EPO: variants seen among roughly 807,000 people sequenced by gnomAD.
EPO encodes the protein erythropoietin, also known as epoetin.
EPO carries 12 observed loss-of-function variants against 24.4 expected under a neutral mutation model. The observed-to-expected ratio is 0.49, with a 90% CI of 0.32 to 0.80. The LOEUF (loss-of-function observed/expected upper bound fraction) is 0.80, where lower values mean the gene tolerates loss of function less well. Ranked by LOEUF, EPO falls within the 30% of genes least tolerant of loss-of-function variation. The pLI is 0.04. For missense variants in EPO, 210 were observed against 238.0 expected (o/e 0.88, Z 0.77); for synonymous variants, 107 against 104.0 (o/e 1.03, Z -0.18).
In EPO at chr7:100,723,021, T is replaced by G; in HGVS notation, c.470T>G (p.Leu157Arg). Residue 157 changes from leucine to arginine, a missense_variant, in exon 5 of 5, where the codon CTC becomes CGC. Leu to Arg is a moderately radical substitution (Grantham distance 102, BLOSUM62 -2). Coordinates refer to ENST00000252723, the MANE Select transcript of EPO (RefSeq NM_000799.4). The part of the protein sequence containing the change: ...SPPDAASAAP[L>R]RTITADTFRK... ...CCAGATGCGGCCTCAGCTGCTCCAC[T>G]CCGAACAATCACTGCTGACACTTTC... 3 of 1,614,062 alleles carry G rather than the reference T, an allele frequency of 1.9e-6. No individual in the cohort carries two copies. The highest frequency in any genetic ancestry group is 2.5e-6 in the Non-Finnish European group (3 of 1,180,020).
chr7:100,720,982 TG>T lies in EPO; in HGVS notation c.7del (p.Val3?). 6.3e-7 allele frequency: 1 copy of T among 1,576,258 alleles called. No individual in the cohort carries two copies. ...GAGGGACCCCGGCCAGGCGCGGAGA[TG>T]GGGGTGCACGGTGAGTACTCGCGGG... The part of the protein sequence containing the change: [M>X]GVHECPAWLW... On this transcript the variant is annotated frameshift_variant and start_lost, in exon 1 of 5. Transcript: ENST00000252723. LOFTEE classifies it high-confidence loss of function.
chr7:100,722,099 G>A (rs373163118), intron 3 of EPO, 51 bp downstream of exon 3: 11 of 1,502,574 alleles, frequency 7.3e-6, no homozygotes, highest in African/African-American at 4.3e-5. Context: ...TCTCATTTGC[G>A]AGCCTGATTT....
In EPO at chr7:100,721,598, G is replaced by T; in HGVS notation, c.54G>T (p.Ser18=). The change falls in exon 2 of 5, where the codon TCG becomes TCT. Residue 18 remains serine, a synonymous_variant. Coordinates refer to ENST00000252723, the MANE Select transcript of EPO (RefSeq NM_000799.4). The surrounding 1 kb of genome is among the most constrained non-coding windows in gnomAD (Gnocchi z 4.0). ...TGTGGCTTCTCCTGTCCCTGCTGTCGCTCCCTCTGGGCCTCCCAGTCCTGG... is the reference window on the plus strand; with the variant it reads ...TGTGGCTTCTCCTGTCCCTGCTGTCTCTCCCTCTGGGCCTCCCAGTCCTGG... ...AWLWLLLSLL[S]LPLGLPVLGA... The T allele has an allele frequency of 6.2e-7, 1 of 1,613,886 alleles. No homozygotes were observed. Among genetic ancestry groups the T allele is most frequent in the Non-Finnish European group, 8.5e-7 (1 of 1,180,018 alleles).
rs1479943753 is a variant in EPO at position 100,722,705 on chromosome 7, G to C, written c.288G>C (p.Leu96=). The C allele has an allele frequency of 1.2e-6, 2 of 1,611,034 alleles. No individual in the cohort carries two copies. Among genetic ancestry groups the C allele is most frequent in the Admixed American group, 3.4e-5 (2 of 59,152 alleles). Residue 96 remains leucine, a synonymous_variant, in exon 4 of 5, where the codon CTG becomes CTC. Coordinates refer to ENST00000252723, the MANE Select transcript of EPO (RefSeq NM_000799.4). Reference sequence around the variant, plus strand: ...TAGAAGTCTGGCAGGGCCTGGCCCTGCTGTCGGAAGCTGTCCTGCGGGGCC... The same window carrying C: ...TAGAAGTCTGGCAGGGCCTGGCCCTCCTGTCGGAAGCTGTCCTGCGGGGCC... ...QAVEVWQGLA[L]LSEAVLRGQA...
Position 100,723,201 on chromosome 7 carries a change from C to A in EPO, c.*68C>A. 3 of 1,530,132 alleles carry A rather than the reference C, an allele frequency of 2.0e-6. No homozygotes were observed. In the South Asian group the frequency reaches 3.8e-5, roughly 19 times the overall value. The allele number at this position is 1,530,132 out of a possible 1,614,324, so 94.8% of individuals were successfully genotyped here. On this transcript the variant is annotated 3_prime_UTR_variant, in exon 5 of 5. Transcript: ENST00000252723. ...ACATTGCTTGTGCCACACCCTCCCC[C>A]GCCACTCCTGAACCCCGTCGAGGGG...
In EPO at chr7:100,721,725, A is replaced by G; in HGVS notation, c.159+22A>G. The G allele has an allele frequency of 6.2e-7, 1 of 1,602,598 alleles. No individual in the cohort carries two copies. Among genetic ancestry groups the G allele is most frequent in the Non-Finnish European group, 8.5e-7 (1 of 1,178,122 alleles). ...CACGGTGAGACCCCTTCCCCAGCAC[A>G]TTCCACAGAACTCACGCTCAGGGCT... On this transcript the variant is annotated intron_variant, in intron 2 of 4. Transcript: ENST00000252723. The surrounding 1 kb of genome is among the most constrained non-coding windows in gnomAD (Gnocchi z 4.0).
chr7:100,720,999 T>A lies in EPO; in HGVS notation c.13+6T>A, dbSNP rs1039890761. 6.3e-7 allele frequency: 1 copy of A among 1,576,928 alleles called. No individual in the cohort carries two copies. The highest frequency in any genetic ancestry group is 8.6e-7 in the Non-Finnish European group (1 of 1,163,308). On this transcript the variant is annotated splice_donor_region_variant and intron_variant, in intron 1 of 4. Transcript: ENST00000252723. ...CGCGGAGATGGGGGTGCACGGTGAG[T>A]ACTCGCGGGCTGGGCGCTCCCGCCC...
At position 100,721,130 on chromosome 7, in the gene EPO, G is replaced by A; in HGVS notation, c.13+137G>A. ...TCAAGGACCCCGGAAGGGGGAGGGG[G>A]GTGGGGCAGCCTCCACGTGCCAGCG... On this transcript the variant is annotated intron_variant, in intron 1 of 4. Coordinates refer to ENST00000252723, the MANE Select transcript of EPO (RefSeq NM_000799.4). The surrounding 1 kb of genome is among the most constrained non-coding windows in gnomAD (Gnocchi z 4.0). 4.5e-6 allele frequency: 2 copies of A among 444,428 alleles called. No individual in the cohort carries two copies. The highest frequency in any genetic ancestry group is 8.0e-6 in the Non-Finnish European group (2 of 250,412). The allele number at this position is 444,428 out of a possible 1,614,324, so 27.5% of individuals were successfully genotyped here.
At position 100,720,680 on chromosome 7, in the gene EPO, C is replaced by T. The variant is rs888209202; in HGVS notation, c.-301C>T. On this transcript the variant is annotated 5_prime_UTR_variant, in exon 1 of 5. Coordinates refer to ENST00000252723, the MANE Select transcript of EPO (RefSeq NM_000799.4). ...TGGCGACCCCTCACGCACACAGCCT[C>T]TCCCCCACCCCCACCCGCGCACGCA... The T allele has an allele frequency of 6.0e-6, 2 of 335,984 alleles. No homozygotes were observed. The highest frequency in any genetic ancestry group is 1.1e-5 in the Non-Finnish European group (2 of 187,984). The allele number at this position is 335,984 out of a possible 1,614,324, so 20.8% of individuals were successfully genotyped here.
Position 100,722,989 on chromosome 7 carries a change from C to T in EPO, c.438C>T (p.Ile146=), listed in dbSNP as rs751552242. The T allele has an allele frequency of 1.9e-6, 3 of 1,613,892 alleles. No homozygotes were observed. The highest frequency in any genetic ancestry group is 2.7e-5 in the African/African-American group (2 of 74,918). ...TTTCTCCTTGGCAGAAGGAAGCCAT[C>T]TCCCCTCCAGATGCGGCCTCAGCTG... ...LRALGAQKEA[I]SPPDAASAAP... is the part of the protein sequence containing the mutation. Residue 146 remains isoleucine, a synonymous_variant, in exon 5 of 5, where the codon ATC becomes ATT. Transcript: ENST00000252723.
Position 100,722,732 on chromosome 7 carries a change from G to C in EPO, c.315G>C (p.Gln105His). 6.2e-7 allele frequency: 1 copy of C among 1,613,716 alleles called. No individual in the cohort carries two copies. Among genetic ancestry groups the C allele is most frequent in the Middle Eastern group, 1.7e-4 (1 of 5,904 alleles). The part of the protein sequence containing the change: ...ALLSEAVLRG[Q>H]ALLVNSSQPW... ...TGTCGGAAGCTGTCCTGCGGGGCCA[G>C]GCCCTGTTGGTCAACTCTTCCCAGC... Residue 105 changes from glutamine (Q) to histidine (H), a missense_variant, in exon 4 of 5, where the codon CAG becomes CAC. Physicochemically the swap from Gln to His is conservative, Grantham distance 24 (BLOSUM62 0). Coordinates refer to ENST00000252723, the MANE Select transcript of EPO (RefSeq NM_000799.4).
chr7:100,722,532 T>C (rs928523395), intron 3 of EPO, 132 bp from the exon 4 acceptor site: 5 of 643,508 alleles, frequency 7.8e-6, no homozygotes, highest in Non-Finnish European at 1.4e-5. Flanking sequence ...CACTCACTCA[T>C]TCATTCATTC....
intron 3 of EPO, among the ~76,000 whole-genome samples, 179 bp from the exon 4 acceptor site, chr7:100,722,485 G>A (rs1263611923): frequency 6.9e-6 from 1 of 144,764 alleles, no homozygotes; most frequent in African/African-American, 2.6e-5. Context: ...AATGAGGGCT[G>A]TATGGAATAC....
At chr7:100,722,596 G>T in intron 3 of EPO, 68 bp from the exon 4 acceptor site, 1 of 1,380,474 alleles carries the variant, frequency 7.2e-7, no homozygotes, top group East Asian at 2.3e-5. Flanking sequence ...TTGGTGCTTG[G>T]GGCTGCTGAG....
chr7:100,722,780 T>C lies in EPO; in HGVS notation c.363T>C (p.His121=), dbSNP rs1461299328. Residue 121 remains histidine (H), a synonymous_variant, in exon 4 of 5, where the codon CAT becomes CAC. Transcript: ENST00000252723. ...AGCCGTGGGAGCCCCTGCAGCTGCA[T>C]GTGGATAAAGCCGTCAGTGGCCTTC... The part of the protein sequence containing the change: ...SSQPWEPLQL[H]VDKAVSGLRS... 8 of 1,614,038 alleles carry C rather than the reference T, an allele frequency of 5.0e-6. No homozygotes were observed. Among genetic ancestry groups the C allele is most frequent in the Admixed American group, 1.7e-5 (1 of 59,992 alleles).
Position 100,721,597 on chromosome 7 carries a change from C to G in EPO, c.53C>G (p.Ser18Trp). 1 of 1,613,986 alleles carries G rather than the reference C, an allele frequency of 6.2e-7. No individual in the cohort carries two copies. Among genetic ancestry groups the G allele is most frequent in the Non-Finnish European group, 8.5e-7 (1 of 1,180,020 alleles). The stretch of plus-strand genomic sequence containing the variant: ...CTGTGGCTTCTCCTGTCCCTGCTGT[C>G]GCTCCCTCTGGGCCTCCCAGTCCTG... ...AWLWLLLSLL[S>W]LPLGLPVLGA... Residue 18 changes from serine to tryptophan, a missense_variant, in exon 2 of 5, where the codon TCG becomes TGG. Ser to Trp is a radical substitution (Grantham distance 177, BLOSUM62 -3). Transcript: ENST00000252723. The surrounding 1 kb of genome is among the most constrained non-coding windows in gnomAD (Gnocchi z 4.0).
At chr7:100,722,515 AC>A (rs1354638090) in intron 3 of EPO, 148 bp from the exon 4 acceptor site, 15 of 595,076 alleles carry the variant, frequency 2.5e-5, no homozygotes, top group Middle Eastern at 4.7e-4. Flanking sequence ...TCATTCACTC[AC>A]TCACTCACTC....
Position 100,722,739 on chromosome 7 carries a change from T to C in EPO, c.322T>C (p.Leu108=). 1 of 1,613,804 alleles carries C rather than the reference T, an allele frequency of 6.2e-7. No homozygotes were observed. The highest frequency in any genetic ancestry group is 1.3e-5 in the African/African-American group (1 of 75,006). The change falls in exon 4 of 5, where the codon TTG becomes CTG. Residue 108 remains leucine, a synonymous_variant. Transcript: ENST00000252723. ...SEAVLRGQAL[L]VNSSQPWEPL... is the part of the protein sequence containing the mutation. The stretch of plus-strand genomic sequence containing the variant: ...AGCTGTCCTGCGGGGCCAGGCCCTG[T>C]TGGTCAACTCTTCCCAGCCGTGGGA...
chr7:100,721,948 T>C lies in EPO; in HGVS notation c.160-14T>C. The C allele has an allele frequency of 6.2e-7, 1 of 1,603,088 alleles. No homozygotes were observed. Among genetic ancestry groups the C allele is most frequent in the Admixed American group, 1.8e-5 (1 of 56,638 alleles). On this transcript the variant is annotated splice_polypyrimidine_tract_variant and intron_variant, in intron 2 of 4. Coordinates refer to ENST00000252723, the MANE Select transcript of EPO (RefSeq NM_000799.4). The surrounding 1 kb of genome is among the most constrained non-coding windows in gnomAD (Gnocchi z 4.0). ...TTCAGGGACCCTTGACTCCCCGGGC[T>C]GTGTGCATTTCAGACGGGCTGTGCT...
Sources: gnomAD v4.1 joint callset for allele counts (sites outside exome capture counted in the v4.1 genomes callset) on GRCh38, gnomAD v4.1.1 for gene constraint, Gnocchi (gnomAD v3.1) non-coding constraint, MANE v1.5 for transcripts, NCBI Gene and HGNC (gene_info 2026-07-23, HGNC 2026-07-21) for gene names.